Variants in NRG1 observed in about 807,000 individuals in gnomAD.
The protein encoded by NRG1 is pro-neuregulin-1, membrane-bound isoform.
Under a neutral mutation model 63.8 loss-of-function variants are expected in NRG1, and 18 were observed. The observed-to-expected ratio is 0.28, with a 90% CI of 0.19 to 0.42. The LOEUF is 0.42. Ranked by LOEUF, NRG1 falls within the 10% of genes least tolerant of loss-of-function variation. NRG1 has a pLI of 1.00. For synonymous variants in NRG1, 302 were observed against 301.3 expected (o/e 1.00, Z -0.02); for missense variants, 762 against 814.7 (o/e 0.94, Z 0.79).
intron 1 of NRG1, among the ~76,000 whole-genome samples, chr8:32,499,471 C>T (rs1827599099): frequency 6.6e-6 from 1 of 151,920 alleles, no homozygotes; most frequent in African/African-American, 2.4e-5. Context: ...TTGCTCGAGG[C>T]CAGGAGTTCA....
At chr8:32,656,989 GA>G (rs1176052901) in intron 5 of NRG1, among the ~76,000 whole-genome samples, 2 of 151,958 alleles carry the variant, frequency 1.3e-5, no homozygotes, top group Non-Finnish European at 2.9e-5. Context: ...AGAAATTCAT[GA>G]ACTCTCTTTG....
intron 1 of NRG1, among the ~76,000 whole-genome samples, chr8:31,915,587 G>T (rs1392290422): frequency 3.9e-5 from 6 of 152,152 alleles, no homozygotes; most frequent in African/African-American, 1.4e-4. Context: ...GTTTAATTTG[G>T]ATATTTCCCA....
chr8:32,582,221 C>T (rs1307014657), intron 1 of NRG1, among the ~76,000 whole-genome samples: 7 of 152,098 alleles, frequency 4.6e-5, no homozygotes, highest in South Asian at 2.1e-4. Context: ...TCTCAGCCTC[C>T]GGAGTAGCTG....
At chr8:32,407,294 T>TATA (rs1483154129) in intron 1 of NRG1, among the ~76,000 whole-genome samples, 84 of 3,654 alleles carry the variant, frequency 0.023, 1 homozygote, top group South Asian at 0.068. Context: ...TATATATATA[T>TATA]TATATATATA....
At chr8:32,436,651 C>T (rs564216049) in intron 1 of NRG1, among the ~76,000 whole-genome samples, 9 of 152,194 alleles carry the variant, frequency 5.9e-5, no homozygotes, top group Non-Finnish European at 1.5e-5. Flanking sequence ...CTATGTAAAG[C>T]AGTCATCTAT....
intron 1 of NRG1, among the ~76,000 whole-genome samples, chr8:31,819,320 ATT>A (rs752244672): frequency 3.9e-5 from 6 of 152,204 alleles, no homozygotes; most frequent in Non-Finnish European, 7.3e-5. Context: ...TGAAAAACAT[ATT>A]GTTACATTGT....
intron 1 of NRG1, among the ~76,000 whole-genome samples, chr8:31,884,389 G>C (rs1002691561): frequency 1.3e-5 from 2 of 152,026 alleles, no homozygotes; most frequent in Non-Finnish European, 2.9e-5. Flanking sequence ...AACCATTTTT[G>C]ATCTCTGATC....
At position 31,851,723 on chromosome 8, in the gene NRG1, G is replaced by A. The variant is rs1006807646; in HGVS notation, c.37+212292G>A. ...GCTGCACCCACTAACTCGTCATCTA[G>A]CATTAGGTATATCTCCCAATGCCAT... On this transcript the variant is annotated intron_variant, in intron 1 of 10. Transcript: ENST00000519301. 1.5e-3 allele frequency among the ~76,000 whole-genome samples: 220 copies of A among 149,804 alleles called. 2 individuals carry two copies. The highest frequency in any genetic ancestry group is 8.0e-4 in the East Asian group (4 of 5,024).
intron 1 of NRG1, among the ~76,000 whole-genome samples, chr8:31,909,147 T>A (rs2129617021): frequency 6.6e-6 from 1 of 152,274 alleles, no homozygotes; most frequent in Admixed American, 6.5e-5. Flanking sequence ...TGGCCTTTAA[T>A]ATCCCAAATA....
intron 1 of NRG1, among the ~76,000 whole-genome samples, chr8:31,737,569 A>G (rs1206972741): frequency 6.6e-6 from 1 of 152,146 alleles, no homozygotes; most frequent in Non-Finnish European, 1.5e-5. Context: ...ACATTTCTCC[A>G]AGGTAAAATT....
At chr8:32,340,041 G>A (rs1389799098) in intron 1 of NRG1, among the ~76,000 whole-genome samples, 1 of 152,096 alleles carries the variant, frequency 6.6e-6, no homozygotes, top group Non-Finnish European at 1.5e-5. Flanking sequence ...TAAGGGGTAA[G>A]GTGGGAGTGG....
intron 1 of NRG1, among the ~76,000 whole-genome samples, chr8:31,979,677 C>T (rs1808767572): frequency 6.6e-6 from 1 of 152,080 alleles, no homozygotes; most frequent in Non-Finnish European, 1.5e-5. Flanking sequence ...AGATTTTAAG[C>T]ACCTTGAGGA....
chr8:32,210,025 C>T (rs547310203), intron 1 of NRG1, among the ~76,000 whole-genome samples: 17 of 152,180 alleles, frequency 1.1e-4, no homozygotes, highest in African/African-American at 4.1e-4. Context: ...AAATAAATTT[C>T]TTCAGAAGCT....
Position 31,699,025 on chromosome 8 carries a change from C to T in NRG1, c.37+59594C>T, listed in dbSNP as rs182628185. Among the ~76,000 whole-genome samples, 20 of 152,222 alleles carry T rather than the reference C, an allele frequency of 1.3e-4. 1 individual carries two copies. The highest frequency in any genetic ancestry group is 9.6e-4 in the East Asian group (5 of 5,186). On this transcript the variant is annotated intron_variant, in intron 1 of 10. Transcript: ENST00000519301. ...TCATTGGTTAGGACCCACTGACTTC[C>T]GTCATTGTAATTACTGTGATATAAC...
At chr8:32,207,746 G>A (rs1159391661) in intron 1 of NRG1, among the ~76,000 whole-genome samples, 1 of 152,168 alleles carries the variant, frequency 6.6e-6, no homozygotes, top group African/African-American at 2.4e-5. Context: ...ATATCTGACT[G>A]TTTGACTGAG....
intron 1 of NRG1, among the ~76,000 whole-genome samples, chr8:32,430,852 G>A (rs370429697): frequency 2.0e-5 from 3 of 148,418 alleles, no homozygotes; most frequent in African/African-American, 7.5e-5. Context: ...GTTAGTTTAA[G>A]CATTGTTCAA....
intron 5 of NRG1, chr8:32,648,219 C>T: frequency 1.2e-6 from 2 of 1,614,036 alleles, no homozygotes; most frequent in South Asian, 2.2e-5. Context: ...CTCCTTTGAA[C>T]CATCAGCGGC....
rs542402216 is a variant in NRG1 at position 32,429,297 on chromosome 8, A to T, written c.38-166531A>T. Among the ~76,000 whole-genome samples, 30 of 152,316 alleles carry T rather than the reference A, an allele frequency of 2.0e-4. No homozygotes were observed. In the South Asian group the frequency reaches 6.0e-3, roughly 31 times the overall value. ...GCAACAATGCCCTCAGGCTTAGTGA[A>T]ATTGACCAAAGTTTGAAGGTAAGTG... On this transcript the variant is annotated intron_variant, in intron 1 of 10. Transcript: ENST00000519301.
intron 1 of NRG1, among the ~76,000 whole-genome samples, chr8:31,933,173 T>G (rs566244129): frequency 3.3e-5 from 5 of 152,350 alleles, no homozygotes; most frequent in African/African-American, 9.6e-5. Context: ...CTCGTGTTTT[T>G]TAAAGGATAA....
Sources: gnomAD v4.1 joint callset for allele counts (sites outside exome capture counted in the v4.1 genomes callset) on GRCh38, gnomAD v4.1.1 for gene constraint, MANE v1.5 for transcripts, NCBI Gene and HGNC (gene_info 2026-07-23, HGNC 2026-07-21) for gene names.